The following PRKN variants were observed in gnomAD, a reference collection of about 807,000 sequenced individuals.
PRKN encodes E3 ubiquitin-protein ligase parkin.
A neutral mutation model predicts 59.5 loss-of-function variants in PRKN; 56 were observed. That is an observed-to-expected ratio of 0.94 (90% CI 0.76 to 1.18). PRKN has a LOEUF of 1.18. PRKN is among the 50% of genes most tolerant of loss of function. PRKN has a pLI of 0.00. For missense variants in PRKN, 657 were observed against 596.4 expected (o/e 1.10, Z -1.06); for synonymous variants, 250 against 222.1 (o/e 1.13, Z -1.12).
At chr6:162,513,516 G>A (rs549144229) in intron 1 of PRKN, among the ~76,000 whole-genome samples, 11 of 150,746 alleles carry the variant, frequency 7.3e-5, no homozygotes, top group African/African-American at 2.7e-4. Flanking sequence ...GAGAAAGAAG[G>A]AAAGAGAGAG....
At chr6:162,112,834 G>C (rs191423178) in intron 4 of PRKN, among the ~76,000 whole-genome samples, 1 of 151,660 alleles carries the variant, frequency 6.6e-6, no homozygotes, top group Non-Finnish European at 1.5e-5. Context: ...CCAGCTACTC[G>C]GGAGGCTGAG....
At chr6:162,585,848 C>G (rs1043743492) in intron 1 of PRKN, among the ~76,000 whole-genome samples, 1 of 151,604 alleles carries the variant, frequency 6.6e-6, no homozygotes, top group Admixed American at 6.6e-5. Flanking sequence ...ATTACAGGCG[C>G]GTGCCACCAT....
In PRKN at chr6:161,369,129, C is replaced by T. The variant is rs1488131363; in HGVS notation, c.1168-8924G>A. Among the ~76,000 whole-genome samples the T allele has an allele frequency of 6.6e-6, 1 of 152,180 alleles. No homozygotes were observed. The highest frequency in any genetic ancestry group is 1.5e-5 in the Non-Finnish European group (1 of 68,028). On this transcript the variant is annotated intron_variant, in intron 10 of 11. Coordinates refer to ENST00000366898, the MANE Select transcript of PRKN (RefSeq NM_004562.3). This position sits in a 1 kb window ranked among gnomAD's most constrained non-coding sequence, Gnocchi z 5.8. The stretch of plus-strand genomic sequence containing the variant: ...GACTGCCACTTCCGAGAGGGGATTT[C>T]TACCAGGAGGAGCACATCTTTGCTT...
intron 2 of PRKN, among the ~76,000 whole-genome samples, chr6:162,390,396 T>TATATATATACACAC (rs1180636201): frequency 2.4e-5 from 2 of 84,110 alleles, no homozygotes; most frequent in African/African-American, 9.0e-5. Flanking sequence ...TATATATATA[T>TATATATATACACAC]ACACACACAC....
In PRKN at chr6:161,466,627, G is replaced by A. The variant is rs1307753389; in HGVS notation, c.1084-79750C>T. Among the ~76,000 whole-genome samples the A allele has an allele frequency of 1.3e-5, 2 of 152,002 alleles. No homozygotes were observed. The highest frequency in any genetic ancestry group is 4.8e-5 in the African/African-American group (2 of 41,374). ...ATCTCTGAGATTTGCCATCCTCTCT[G>A]GTAAGGACTGCACTCAAAGTAACAG... On this transcript the variant is annotated intron_variant, in intron 9 of 11. Transcript: ENST00000366898. The surrounding 1 kb of genome is among the most constrained non-coding windows in gnomAD (Gnocchi z 5.0).
chr6:161,952,731 C>T (rs539834279), intron 6 of PRKN, among the ~76,000 whole-genome samples: 1 of 152,280 alleles, frequency 6.6e-6, no homozygotes, highest in South Asian at 2.1e-4. Context: ...CCAAGAGAGA[C>T]AGATATTTAT....
intron 1 of PRKN, among the ~76,000 whole-genome samples, chr6:162,668,268 C>A (rs986865074): frequency 3.3e-5 from 5 of 151,962 alleles, no homozygotes; most frequent in African/African-American, 1.2e-4. Flanking sequence ...ATAAAAAGGG[C>A]ACAGATTTTA....
chr6:161,922,052 C>G lies in PRKN; in HGVS notation c.734+51250G>C, dbSNP rs76227781. Among the ~76,000 whole-genome samples the G allele has an allele frequency of 4.2e-4, 64 of 152,204 alleles. 3 individuals are homozygous for G. In the East Asian group the frequency reaches 0.012, roughly 28 times the overall value. ...CAACAGGGAATCCTGCATCTAATTC[C>G]AATTCATGTTTAAAAAGCCCAGAAA... is the stretch of plus-strand genomic sequence containing the variant. On this transcript the variant is annotated intron_variant, in intron 6 of 11. Coordinates refer to ENST00000366898, the MANE Select transcript of PRKN (RefSeq NM_004562.3).
At chr6:161,424,955 A>G (rs1332415641) in intron 9 of PRKN, among the ~76,000 whole-genome samples, 1 of 152,070 alleles carries the variant, frequency 6.6e-6, no homozygotes, top group Non-Finnish European at 1.5e-5. Flanking sequence ...GTCGAGGGAG[A>G]CTATGGGAGT....
chr6:162,564,181 CA>C (rs1779964738), intron 1 of PRKN, among the ~76,000 whole-genome samples: 1 of 151,782 alleles, frequency 6.6e-6, no homozygotes, highest in African/African-American at 2.4e-5. Context: ...CCCGTCTCTA[CA>C]AAAAATACAA....
chr6:162,592,653 G>A (rs1238152629), intron 1 of PRKN, among the ~76,000 whole-genome samples: 1 of 152,106 alleles, frequency 6.6e-6, no homozygotes, highest in Non-Finnish European at 1.5e-5. Context: ...GATAACCACA[G>A]ACTGGATATA....
intron 1 of PRKN, among the ~76,000 whole-genome samples, chr6:162,687,565 C>T (rs528518752): frequency 3.9e-5 from 6 of 152,082 alleles, no homozygotes; most frequent in African/African-American, 7.2e-5. Context: ...GGCCATGCTT[C>T]TTCTTAACAT....
At chr6:162,308,088 C>G (rs112193178) in intron 2 of PRKN, among the ~76,000 whole-genome samples, 1 of 152,120 alleles carries the variant, frequency 6.6e-6, no homozygotes, top group Non-Finnish European at 1.5e-5. Context: ...GTGACAGGCA[C>G]GTGGCCTTCT....
At chr6:161,555,475 A>G (rs1477690697) in intron 8 of PRKN, among the ~76,000 whole-genome samples, 3 of 152,240 alleles carry the variant, frequency 2.0e-5, no homozygotes, top group African/African-American at 7.2e-5. Flanking sequence ...GGTAGGATTC[A>G]GAAAAACTGT....
chr6:161,923,086 C>T (rs1049229540), intron 6 of PRKN, among the ~76,000 whole-genome samples: 2 of 152,242 alleles, frequency 1.3e-5, no homozygotes, highest in African/African-American at 4.8e-5. Context: ...TGTTCCTGAT[C>T]TCAGCAGCTT....
chr6:161,897,490 A>G (rs1276029537), intron 6 of PRKN, among the ~76,000 whole-genome samples: 1 of 152,200 alleles, frequency 6.6e-6, no homozygotes, highest in Non-Finnish European at 1.5e-5. Context: ...AGAATGCTTC[A>G]TTGGGATTAG....
chr6:162,247,104 A>G (rs567679223), intron 3 of PRKN, among the ~76,000 whole-genome samples: 1 of 152,238 alleles, frequency 6.6e-6, no homozygotes, highest in East Asian at 1.9e-4. Context: ...ATTGTACTAT[A>G]TATATTTATA....
chr6:162,025,111 G>A (rs888184676), intron 5 of PRKN, among the ~76,000 whole-genome samples: 2 of 151,080 alleles, frequency 1.3e-5, no homozygotes, highest in Non-Finnish European at 2.9e-5. Context: ...CACCTCCTGG[G>A]TCCACGCCAT....
chr6:161,661,778 T>C (rs187908331), intron 7 of PRKN, among the ~76,000 whole-genome samples: 318 of 152,286 alleles, frequency 2.1e-3, no homozygotes, highest in Non-Finnish European at 3.4e-3. Flanking sequence ...ATCACAGCAC[T>C]TTGGGAGGCC....
Sources: allele counts gnomAD v4.1 joint callset (sites outside exome capture counted in the v4.1 genomes callset), GRCh38; gene constraint gnomAD v4.1.1; non-coding constraint Gnocchi (gnomAD v3.1); transcripts MANE v1.5; gene names NCBI Gene and HGNC (gene_info 2026-07-23, HGNC 2026-07-21).